SERGEF: variants seen among roughly 807,000 people sequenced by gnomAD.
SERGEF encodes the protein secretion-regulating guanine nucleotide exchange factor.
SERGEF carries 51 observed loss-of-function variants against 50.0 expected under a neutral mutation model. The ratio of observed to expected loss-of-function variants is 1.02; its 90% CI spans 0.81 to 1.29. The LOEUF (loss-of-function observed/expected upper bound fraction) is 1.29. Among genes scored for constraint, SERGEF ranks in the 50% most tolerant of loss-of-function variants. SERGEF has a pLI of 0.00. For missense variants in SERGEF, 521 were observed against 557.0 expected (o/e 0.94, Z 0.65); for synonymous variants, 205 against 212.4 (o/e 0.97, Z 0.30).
chr11:17,928,843 G>A (rs1852298418), intron 9 of SERGEF, among the ~76,000 whole-genome samples: 1 of 152,010 alleles, frequency 6.6e-6, no homozygotes, highest in South Asian at 2.1e-4. Context: ...CTAACAAACA[G>A]GCTATTCTAA....
rs1297944621 is a variant in SERGEF at position 17,968,842 on chromosome 11, G to A, written c.845-9206C>T. On this transcript the variant is annotated intron_variant, in intron 8 of 10. Coordinates refer to ENST00000265965, the MANE Select transcript of SERGEF (RefSeq NM_012139.4). Reference sequence around the variant, plus strand: ...ATTGCTACAGAGAAATAAAAAGTAGGGAAAGGAGACAGGCAGTGCTGGGGA... The same window carrying A: ...ATTGCTACAGAGAAATAAAAAGTAGAGAAAGGAGACAGGCAGTGCTGGGGA... Among the ~76,000 whole-genome samples, 6 of 152,132 alleles carry A rather than the reference G, an allele frequency of 3.9e-5. No homozygotes were observed. In the East Asian group the frequency reaches 1.2e-3, roughly 29 times the overall value.
At chr11:17,964,071 G>C (rs746485789) in intron 8 of SERGEF, among the ~76,000 whole-genome samples, 22 of 152,174 alleles carry the variant, frequency 1.4e-4, no homozygotes, top group Non-Finnish European at 3.2e-4. Flanking sequence ...ACCATTCTGA[G>C]ATTTCAGGAT....
intron 5 of SERGEF, among the ~76,000 whole-genome samples, chr11:17,997,496 T>C (rs920888021): frequency 2.0e-5 from 3 of 152,154 alleles, no homozygotes; most frequent in African/African-American, 7.2e-5. Flanking sequence ...AAAATAGAAT[T>C]ACCATATGAA....
intron 8 of SERGEF, among the ~76,000 whole-genome samples, chr11:17,969,709 G>C (rs533175849): frequency 3.3e-5 from 5 of 152,170 alleles, no homozygotes; most frequent in African/African-American, 1.2e-4. Context: ...CTGCCTGGTG[G>C]GGACAGGAAA....
chr11:17,797,124 C>T (rs1849585157), intron 10 of SERGEF, among the ~76,000 whole-genome samples: 1 of 152,216 alleles, frequency 6.6e-6, no homozygotes, highest in Admixed American at 6.5e-5. Context: ...AAGGGCTGCC[C>T]AACTGGTCTC....
intron 9 of SERGEF, among the ~76,000 whole-genome samples, chr11:17,901,046 A>T (rs1851740880): frequency 6.6e-6 from 1 of 150,888 alleles, no homozygotes; most frequent in African/African-American, 2.4e-5. Context: ...CCCACCCCCA[A>T]ATCTGTTTCC....
At chr11:17,852,012 T>TC (rs1315405884) in intron 10 of SERGEF, among the ~76,000 whole-genome samples, 1 of 152,212 alleles carries the variant, frequency 6.6e-6, no homozygotes, top group African/African-American at 2.4e-5. Context: ...GTTGTTTCAC[T>TC]CCCCATCAAA....
chr11:18,007,036 G>A (rs148431431), intron 2 of SERGEF, among the ~76,000 whole-genome samples: 4 of 152,324 alleles, frequency 2.6e-5, no homozygotes, highest in Admixed American at 6.5e-5. Flanking sequence ...CATTGAGAAC[G>A]TGCCAGGTAC....
intron 4 of SERGEF, among the ~76,000 whole-genome samples, chr11:18,001,378 A>G (rs902159999): frequency 4.6e-5 from 7 of 152,298 alleles, no homozygotes; most frequent in Admixed American, 3.9e-4. Context: ...AGTCTAGGCG[A>G]AAAAAGGCAC....
Position 17,884,203 on chromosome 11 carries a change from C to T in SERGEF, c.1012-5959G>A, listed in dbSNP as rs999735796. Among the ~76,000 whole-genome samples the T allele has an allele frequency of 6.6e-6, 1 of 152,190 alleles. No homozygotes were observed. The highest frequency in any genetic ancestry group is 6.5e-5 in the Admixed American group (1 of 15,292). On this transcript the variant is annotated intron_variant, in intron 9 of 10. Coordinates refer to ENST00000265965, the MANE Select transcript of SERGEF (RefSeq NM_012139.4). This position sits in a 1 kb window ranked among gnomAD's most constrained non-coding sequence, Gnocchi z 4.6. ...GCCTTCAGGTGCTATGGCAACGAGG[C>T]GTACGTGCGGAAACACATGATGGCC... is the stretch of plus-strand genomic sequence containing the variant.
intron 6 of SERGEF, among the ~76,000 whole-genome samples, chr11:17,995,517 C>T (rs10832871): frequency 0.19 from 29,430 of 152,142 alleles, 3,673 homozygotes; most frequent in Non-Finnish European, 0.27. Flanking sequence ...CTAATCATGT[C>T]TTCCAACCTA....
At chr11:17,990,567 T>C (rs1448215511) in intron 7 of SERGEF, among the ~76,000 whole-genome samples, 1 of 152,236 alleles carries the variant, frequency 6.6e-6, no homozygotes, top group Non-Finnish European at 1.5e-5. Context: ...CTTATCTTAG[T>C]AGCTCTAAAC....
intron 8 of SERGEF, among the ~76,000 whole-genome samples, chr11:17,968,817 A>G (rs1853187072): frequency 6.6e-6 from 1 of 152,216 alleles, no homozygotes; most frequent in African/African-American, 2.4e-5. Context: ...AATGACGTTA[A>G]TTGCTACAGA....
At chr11:17,966,909 A>G (rs1198505012) in intron 8 of SERGEF, among the ~76,000 whole-genome samples, 3 of 152,228 alleles carry the variant, frequency 2.0e-5, no homozygotes, top group African/African-American at 7.2e-5. Flanking sequence ...ATTAAGTTAC[A>G]TAATTAAATC....
At chr11:18,011,810 C>G (rs1027440232) in intron 1 of SERGEF, among the ~76,000 whole-genome samples, 1 of 152,192 alleles carries the variant, frequency 6.6e-6, no homozygotes, top group African/African-American at 2.4e-5. Context: ...ACTCCACCCC[C>G]AGCTCCCGGG....
At chr11:17,934,018 C>T (rs1210898880) in intron 9 of SERGEF, among the ~76,000 whole-genome samples, 3 of 152,068 alleles carry the variant, frequency 2.0e-5, no homozygotes, top group East Asian at 1.9e-4. Flanking sequence ...TTCTCTGCAG[C>T]GTTCAGTGTC....
chr11:17,908,210 G>C (rs1419485264), intron 9 of SERGEF, among the ~76,000 whole-genome samples: 1 of 152,064 alleles, frequency 6.6e-6, no homozygotes, highest in Non-Finnish European at 1.5e-5. Context: ...GAACAAAATA[G>C]GAGTCCTATA....
At chr11:17,886,492 G>T (rs56333041) in intron 9 of SERGEF, among the ~76,000 whole-genome samples, 3 of 151,954 alleles carry the variant, frequency 2.0e-5, no homozygotes, top group Non-Finnish European at 4.4e-5. Context: ...TGTGCCTGTA[G>T]TCCCAGCTAG....
At chr11:17,954,968 G>C (rs192371517) in intron 9 of SERGEF, among the ~76,000 whole-genome samples, 12 of 152,332 alleles carry the variant, frequency 7.9e-5, no homozygotes, top group Non-Finnish European at 1.5e-4. Flanking sequence ...GATCGAATGA[G>C]ACAATGTATG....
Sources: allele counts gnomAD v4.1 joint callset (sites outside exome capture counted in the v4.1 genomes callset), GRCh38; gene constraint gnomAD v4.1.1; non-coding constraint Gnocchi (gnomAD v3.1); transcripts MANE v1.5; gene names NCBI Gene and HGNC (gene_info 2026-07-23, HGNC 2026-07-21).